ABCB1: variants seen among roughly 807,000 people sequenced by gnomAD.
ABCB1 encodes ATP binding cassette subfamily B member 1.
ABCB1 carries 69 observed loss-of-function variants against 142.0 expected under a neutral mutation model. The ratio of observed to expected loss-of-function variants is 0.49; its 90% CI spans 0.40 to 0.59. ABCB1 has a LOEUF of 0.59. Among genes scored for constraint, ABCB1 ranks in the 20% least tolerant of loss-of-function variants. ABCB1 has a pLI of 0.00. For missense variants in ABCB1, 1,326 were observed against 1,554.7 expected, an observed-to-expected ratio of 0.85 and a Z score of 2.47; for synonymous variants, 532 against 539.2, an observed-to-expected ratio of 0.99 and a Z score of 0.18.
intron 1 of ABCB1, among the ~76,000 whole-genome samples, chr7:87,649,730 T>A (rs1823384510): frequency 6.6e-6 from 1 of 152,214 alleles, no homozygotes; most frequent in Admixed American, 6.5e-5. Flanking sequence ...AATCTCATCT[T>A]GAATTGTAGC....
At chr7:87,529,609 T>C (rs920602609) in intron 21 of ABCB1, among the ~76,000 whole-genome samples, 3 of 152,220 alleles carry the variant, frequency 2.0e-5, no homozygotes, top group Non-Finnish European at 4.4e-5. Flanking sequence ...TAACCTGTGG[T>C]TTGCATGAAT....
chr7:87,648,784 C>T (rs1823281299), intron 1 of ABCB1, among the ~76,000 whole-genome samples: 2 of 152,050 alleles, frequency 1.3e-5, no homozygotes, highest in East Asian at 1.9e-4. Context: ...ATAATTTTTA[C>T]TTAATTATAA....
chr7:87,667,904 T>C (rs76431620), intron 1 of ABCB1, among the ~76,000 whole-genome samples: 3 of 152,110 alleles, frequency 2.0e-5, no homozygotes, highest in Non-Finnish European at 4.4e-5. Flanking sequence ...TTGTTGAGGA[T>C]TTTTGTATTG....
chr7:87,612,368 T>C lies in ABCB1; in HGVS notation c.-330-11290A>G, dbSNP rs1160068275. 2.0e-5 allele frequency among the ~76,000 whole-genome samples: 3 copies of C among 152,196 alleles called. No homozygotes were observed. In the East Asian group the frequency reaches 5.8e-4, roughly 29 times the overall value. ...ATGTCCAGAAGAGTTTTTCCTAGGT[T>C]TCCTTCTAGAATTTTTATGGTTTCA... On this transcript the variant is annotated intron_variant, in intron 1 of 28. Coordinates refer to the ABCB1 transcript ENST00000265724.
intron 21 of ABCB1, among the ~76,000 whole-genome samples, chr7:87,523,792 A>T (rs1815650969): frequency 1.3e-5 from 2 of 152,170 alleles, no homozygotes; most frequent in African/African-American, 4.8e-5. Flanking sequence ...CATCAGCCGC[A>T]CCACCTTGAA....
In ABCB1 at chr7:87,626,031, G is replaced by T. The variant is rs200802224; in HGVS notation, c.-330-24953C>A. Among the ~76,000 whole-genome samples the T allele has an allele frequency of 9.9e-4, 143 of 144,178 alleles. 6 individuals are homozygous for T. Among genetic ancestry groups the T allele is most frequent in the East Asian group, 8.0e-3 (37 of 4,606 alleles). The allele number at this position is 144,178 out of a possible 152,430, so 94.6% of individuals were successfully genotyped here. A position where few individuals can be genotyped will look rare whatever the true frequency, so the allele number is the denominator to read the frequency against. Reference sequence around the variant, plus strand: ...GTACATATATATATATATAGAGAGAGAGAGAGAGAGAGAGATGGAGTCTCA... The same window carrying T: ...GTACATATATATATATATAGAGAGATAGAGAGAGAGAGAGATGGAGTCTCA... On this transcript the variant is annotated intron_variant, in intron 1 of 28. Transcript: ENST00000265724.
intron 25 of ABCB1, 90 bp downstream of exon 25, chr7:87,515,141 A>G (rs1047766551): frequency 6.6e-7 from 1 of 1,512,682 alleles, no homozygotes; most frequent in Non-Finnish European, 9.0e-7. Flanking sequence ...TAAAGGTTTG[A>G]AAAAACATGG....
At position 87,550,223 on chromosome 7, in the gene ABCB1, T is replaced by C; in HGVS notation, c.1298A>G (p.Lys433Arg). Residue 433 changes from lysine (K) to arginine (R), a missense_variant, in exon 12 of 28, where the codon AAG becomes AGG. Coordinates refer to ENST00000622132, the MANE Select transcript of ABCB1 (RefSeq NM_001348946.2). ...CTGCATCAGCTGGACTGTTGTGCTC[T>C]TCCCACAGCCACTGTTTCCAACCAG... Reference protein sequence around the residue: ...VALVGNSGCGKSTTVQLMQRL... With the variant: ...VALVGNSGCGRSTTVQLMQRL... 1 of 1,614,148 alleles carries C rather than the reference T, an allele frequency of 6.2e-7. No individual in the cohort carries two copies. Among genetic ancestry groups the C allele is most frequent in the South Asian group, 1.1e-5 (1 of 91,080 alleles).
chr7:87,564,231 G>A, intron 7 of ABCB1: 1 of 408,714 alleles, frequency 2.4e-6, no homozygotes, highest in South Asian at 1.9e-5. Context: ...TTCCATTGAA[G>A]TTTAGCATGA....
intron 1 of ABCB1, among the ~76,000 whole-genome samples, chr7:87,683,582 G>A (rs1009239585): frequency 4.6e-5 from 7 of 152,174 alleles, no homozygotes; most frequent in Non-Finnish European, 7.3e-5. Flanking sequence ...GGTAGCTGGA[G>A]CATTCAGAAC....
chr7:87,626,900 C>T (rs564796088), intron 1 of ABCB1, among the ~76,000 whole-genome samples: 56 of 152,024 alleles, frequency 3.7e-4, no homozygotes, highest in African/African-American at 1.3e-3. Context: ...CTCAGCCTAC[C>T]GAGTAGCTGC....
rs199605609 is a variant in ABCB1 at position 87,509,318 on chromosome 7, G to A, written c.3446C>T (p.Ala1149Val). Residue 1149 changes from alanine (A) to valine (V), a missense_variant, in exon 26 of 28, where the codon GCA becomes GTA. By Grantham distance (64) the Ala-to-Val change is moderately conservative. Transcript: ENST00000622132. Reference protein sequence around the residue: ...VVSQEEIVRAAKEANIHAFIE... With the variant: ...VVSQEEIVRAVKEANIHAFIE... The stretch of plus-strand genomic sequence containing the variant: ...GAAGGCATGTATGTTGGCCTCCTTT[G>A]CTGCCCTCACAATCTCTTCCTGTGA... 1 of 1,614,136 alleles carries A rather than the reference G, an allele frequency of 6.2e-7. No individual in the cohort carries two copies. The highest frequency in any genetic ancestry group is 8.5e-7 in the Non-Finnish European group (1 of 1,180,022).
intron 1 of ABCB1, among the ~76,000 whole-genome samples, chr7:87,624,131 T>C (rs975595245): frequency 1.3e-5 from 2 of 152,252 alleles, no homozygotes; most frequent in African/African-American, 4.8e-5. Flanking sequence ...GATACTTGAT[T>C]TGTGGATTTG....
intron 19 of ABCB1, 71 bp downstream of exon 19, chr7:87,539,197 C>T (rs1163227755): frequency 2.0e-6 from 3 of 1,490,020 alleles, no homozygotes; most frequent in African/African-American, 2.8e-5. Flanking sequence ...ACAGAGCTCC[C>T]ACTGTCTGAG....
At chr7:87,635,907 T>C (rs1222711229) in intron 1 of ABCB1, among the ~76,000 whole-genome samples, 1 of 152,222 alleles carries the variant, frequency 6.6e-6, no homozygotes, top group African/African-American at 2.4e-5. Flanking sequence ...GTTCATCCAT[T>C]TTGTTGCATG....
At chr7:87,665,923 T>G (rs1825185780) in intron 1 of ABCB1, among the ~76,000 whole-genome samples, 1 of 151,866 alleles carries the variant, frequency 6.6e-6, no homozygotes, top group Admixed American at 6.6e-5. Context: ...GTATCACATT[T>G]TCTTTAGTGC....
At chr7:87,613,084 C>G (rs1214858162) in intron 1 of ABCB1, among the ~76,000 whole-genome samples, 1 of 149,406 alleles carries the variant, frequency 6.7e-6, no homozygotes, top group Admixed American at 6.7e-5. Context: ...GTCATTGGTG[C>G]ATAGCAGTGC....
chr7:87,551,923 A>T (rs1202396416), intron 9 of ABCB1, among the ~76,000 whole-genome samples: 1 of 152,170 alleles, frequency 6.6e-6, no homozygotes, highest in African/African-American at 2.4e-5. Context: ...TCTGAATCCT[A>T]AATTAGTAAT....
intron 1 of ABCB1, among the ~76,000 whole-genome samples, chr7:87,708,340 C>A (rs1829784770): frequency 6.6e-6 from 1 of 151,784 alleles, no homozygotes; most frequent in African/African-American, 2.4e-5. Context: ...ATTAAAAATC[C>A]TAAAAGAGGA....
Sources: allele counts gnomAD v4.1 joint callset (sites outside exome capture counted in the v4.1 genomes callset), GRCh38; gene constraint gnomAD v4.1.1; transcripts MANE v1.5; gene names NCBI Gene and HGNC (gene_info 2026-07-23, HGNC 2026-07-21).